SYT14: variants seen among roughly 807,000 people sequenced by gnomAD.
SYT14 encodes the protein synaptotagmin 14.
A neutral mutation model predicts 74.2 loss-of-function variants in SYT14; 32 were observed. The observed-to-expected ratio is 0.43, with a 90% CI of 0.33 to 0.58. SYT14 has a LOEUF of 0.58. Ranked by LOEUF, SYT14 falls within the 20% of genes least tolerant of loss-of-function variation. The pLI, the probability that SYT14 is intolerant of heterozygous loss-of-function variation, is 0.05. For missense variants in SYT14, 791 were observed against 981.8 expected (o/e 0.81, Z 2.60); for synonymous variants, 298 against 337.7 (o/e 0.88, Z 1.29).
chr1:210,086,630 A>G (rs1301618299), intron 5 of SYT14, among the ~76,000 whole-genome samples: 1 of 152,186 alleles, frequency 6.6e-6, no homozygotes, highest in Non-Finnish European at 1.5e-5. Flanking sequence ...CTATTAGTGG[A>G]TAATAGATTT....
At chr1:210,135,425 A>T (rs1292835882) in intron 7 of SYT14, among the ~76,000 whole-genome samples, 1 of 152,144 alleles carries the variant, frequency 6.6e-6, no homozygotes, top group Admixed American at 6.5e-5. Context: ...TTCAGCCTCT[A>T]TAAGTTAAAT....
intron 1 of SYT14, among the ~76,000 whole-genome samples, chr1:209,942,822 C>T (rs917353920): frequency 1.3e-5 from 2 of 152,008 alleles, no homozygotes; most frequent in Non-Finnish European, 2.9e-5. Context: ...ACACTTGTTA[C>T]GTTGCTGTAT....
intron 7 of SYT14, among the ~76,000 whole-genome samples, chr1:210,128,450 C>G (rs1342638991): frequency 6.6e-6 from 1 of 151,678 alleles, no homozygotes; most frequent in African/African-American, 2.4e-5. Context: ...TAAATGCAAA[C>G]AAAAGTTTGC....
chr1:210,160,797 C>T (rs796524658), exon 10 of SYT14: 12 of 1,613,948 alleles, frequency 7.4e-6, no homozygotes, highest in African/African-American at 4.0e-5. Flanking sequence ...GACATCCATC[C>T]GCAGAGGGCA....
chr1:210,038,908 T>C (rs936453227), intron 5 of SYT14, among the ~76,000 whole-genome samples: 4 of 152,104 alleles, frequency 2.6e-5, no homozygotes, highest in Non-Finnish European at 5.9e-5. Flanking sequence ...TTGCAATGTA[T>C]TTTCTAGAGT....
chr1:209,978,691 C>T (rs532352833), intron 2 of SYT14, among the ~76,000 whole-genome samples: 276 of 152,354 alleles, frequency 1.8e-3, no homozygotes, highest in African/African-American at 6.1e-3. Flanking sequence ...GTTCTCAGAT[C>T]TCCAGCTGCG....
intron 9 of SYT14, 138 bp downstream of exon 8, chr1:210,159,615 AAACT>A (rs2083334235): frequency 4.0e-6 from 3 of 759,404 alleles, no homozygotes. Flanking sequence ...ACTTTAAATA[AAACT>A]AACTTAGAAT....
At chr1:210,094,762 T>C (rs1287630208) in intron 6 of SYT14, among the ~76,000 whole-genome samples, 169 bp downstream of exon 5, 6 of 152,116 alleles carry the variant, frequency 3.9e-5, no homozygotes, top group African/African-American at 1.4e-4. Flanking sequence ...ATCAGGAATG[T>C]CCCAACTAGT....
chr1:210,058,588 C>T (rs1007691757), intron 5 of SYT14, among the ~76,000 whole-genome samples: 5 of 152,118 alleles, frequency 3.3e-5, no homozygotes. Context: ...GTAGTTCCTC[C>T]GTGACTGCAG....
chr1:210,064,905 T>C (rs1384099713), intron 5 of SYT14, among the ~76,000 whole-genome samples: 4 of 152,054 alleles, frequency 2.6e-5, no homozygotes, highest in Admixed American at 2.6e-4. Context: ...TTCCAATTCC[T>C]CCACACCCTC....
chr1:209,961,763 C>G (rs1261237697), intron 2 of SYT14, among the ~76,000 whole-genome samples: 2 of 151,956 alleles, frequency 1.3e-5, no homozygotes, highest in Non-Finnish European at 2.9e-5. Context: ...AAGGCATGAC[C>G]TGATTTTTTC....
At chr1:210,042,792 C>T (rs1439316732) in intron 5 of SYT14, among the ~76,000 whole-genome samples, 1 of 152,110 alleles carries the variant, frequency 6.6e-6, no homozygotes, top group East Asian at 1.9e-4. Context: ...TAGCATGATG[C>T]CTCCAGCTTT....
intron 2 of SYT14, among the ~76,000 whole-genome samples, chr1:209,957,770 C>T (rs1481390704): frequency 6.6e-6 from 1 of 152,024 alleles, no homozygotes; most frequent in Admixed American, 6.6e-5. Flanking sequence ...CTTTTTCCTT[C>T]TTGTTGTATC....
intron 2 of SYT14, among the ~76,000 whole-genome samples, chr1:209,964,823 A>G (rs2079130013): frequency 1.3e-5 from 2 of 152,198 alleles, no homozygotes; most frequent in South Asian, 4.1e-4. Context: ...GCAAAAAAAA[A>G]TGCAGATTTC....
chr1:209,970,979 G>A (rs901648612), intron 2 of SYT14, among the ~76,000 whole-genome samples: 3 of 151,952 alleles, frequency 2.0e-5, no homozygotes, highest in Non-Finnish European at 4.4e-5. Context: ...TGCGCCCAGG[G>A]CAGTATGGCC....
At chr1:210,124,875 T>G (rs986692982) in intron 7 of SYT14, among the ~76,000 whole-genome samples, 18 of 152,168 alleles carry the variant, frequency 1.2e-4, no homozygotes, top group African/African-American at 4.3e-4. Context: ...TGTGTGGTTT[T>G]TTTTTTTCCT....
At chr1:210,123,648 C>T (rs1393645041) in intron 7 of SYT14, among the ~76,000 whole-genome samples, 1 of 152,106 alleles carries the variant, frequency 6.6e-6, no homozygotes, top group Admixed American at 6.6e-5. Flanking sequence ...AGGGAAATTG[C>T]CTTATCTCCA....
chr1:210,054,967 G>A (rs1411170659), intron 5 of SYT14, among the ~76,000 whole-genome samples: 3 of 152,236 alleles, frequency 2.0e-5, no homozygotes, highest in South Asian at 4.2e-4. Flanking sequence ...AGTTTGGGGT[G>A]GGAGTGTTGA....
rs535040290 is a variant in SYT14, at chr1:210,081,543, A to G, written c.1313-12779A>G. Among the ~76,000 whole-genome samples, 16 of 152,382 alleles carry G rather than the reference A, an allele frequency of 1.0e-4. No homozygotes were observed. In the South Asian group the frequency reaches 3.1e-3, roughly 30 times the overall value. On this transcript the variant is annotated intron_variant, in intron 5 of 9. Coordinates refer to ENST00000637265, the Ensembl canonical transcript of SYT14. ...ATACCTTAATTAATACTTCATTGCTAGAAAAATGAGCACATGCTGTTGGGA... is the reference window on the plus strand; with the variant it reads ...ATACCTTAATTAATACTTCATTGCTGGAAAAATGAGCACATGCTGTTGGGA...
Sources: gnomAD v4.1 joint callset for allele counts (sites outside exome capture counted in the v4.1 genomes callset) on GRCh38, gnomAD v4.1.1 for gene constraint, MANE v1.5 for transcripts, NCBI Gene and HGNC (gene_info 2026-07-23, HGNC 2026-07-21) for gene names.